HYAL4: variants seen among roughly 807,000 people sequenced by gnomAD.
HYAL4 encodes the protein hyaluronidase 4, also known as hyaluronidase-4.
A neutral mutation model predicts 35.2 loss-of-function variants in HYAL4; 37 were observed. The ratio of observed to expected loss-of-function variants is 1.05; its 90% confidence interval spans 0.81 to 1.38. HYAL4 has a LOEUF of 1.38. HYAL4 is among the 40% of genes most tolerant of loss of function. HYAL4 has a pLI of 0.00. For missense variants in HYAL4, 572 were observed against 572.4 expected, an observed-to-expected ratio of 1.00 and a Z score of 0.01; for synonymous variants, 198 against 203.2, an observed-to-expected ratio of 0.97 and a Z score of 0.22.
At chr7:123,817,282 T>G in the HYAL4 span, among the ~76,000 whole-genome samples, 1 of 152,306 alleles carries the variant, frequency 6.6e-6, no homozygotes. Flanking sequence ...TCACCCAATT[T>G]GAAAGTCACT....
chr7:123,864,072 T>C (rs1806635824), intron 2 of HYAL4, among the ~76,000 whole-genome samples: 1 of 152,150 alleles, frequency 6.6e-6, no homozygotes, highest in Admixed American at 6.5e-5. Flanking sequence ...AAATAGGCCC[T>C]GTCTGTTTGC....
chr7:123,792,629 T>C, the HYAL4 span, among the ~76,000 whole-genome samples: 1 of 152,028 alleles, frequency 6.6e-6, no homozygotes, highest in Non-Finnish European at 1.5e-5. Flanking sequence ...GTCCCATGGG[T>C]GAGGTTTGCC....
chr7:123,782,097 C>T, the HYAL4 span, among the ~76,000 whole-genome samples: 1 of 152,120 alleles, frequency 6.6e-6, no homozygotes, highest in African/African-American at 2.4e-5. Context: ...CTCTGCCTTG[C>T]ATTAAAGCCT....
chr7:123,803,217 C>T, the HYAL4 span, among the ~76,000 whole-genome samples: 1 of 152,056 alleles, frequency 6.6e-6, no homozygotes, highest in South Asian at 2.1e-4. Flanking sequence ...TGCTTTAGTC[C>T]AGGAGTTTGA....
chr7:123,847,092 A>G (rs565992406), intron 1 of HYAL4, among the ~76,000 whole-genome samples: 2 of 152,314 alleles, frequency 1.3e-5, no homozygotes, highest in East Asian at 3.9e-4. Context: ...GCAAAAGTTC[A>G]CAACGTGAGT....
At chr7:123,800,692 T>G in the HYAL4 span, among the ~76,000 whole-genome samples, 1 of 151,950 alleles carries the variant, frequency 6.6e-6, no homozygotes, top group Non-Finnish European at 1.5e-5. Context: ...AGTCTAGCTC[T>G]GTCACCTAGG....
chr7:123,768,838 G>A, the HYAL4 span, among the ~76,000 whole-genome samples: 1 of 152,122 alleles, frequency 6.6e-6, no homozygotes, highest in Non-Finnish European at 1.5e-5. Context: ...TTGTCCATTG[G>A]TTACTTTTTT....
the HYAL4 span, among the ~76,000 whole-genome samples, chr7:123,775,858 T>C: frequency 2.0e-5 from 3 of 152,156 alleles, no homozygotes; most frequent in African/African-American, 7.2e-5. Flanking sequence ...GGAAGCCCCC[T>C]AAACCAGAAC....
At chr7:123,800,592 C>T in the HYAL4 span, among the ~76,000 whole-genome samples, 181 of 151,610 alleles carry the variant, frequency 1.2e-3, 1 homozygote, top group Non-Finnish European at 1.9e-3. Context: ...CATTTTCTTG[C>T]ATCTTTAACA....
At chr7:123,773,404 C>G in the HYAL4 span, among the ~76,000 whole-genome samples, 1 of 151,884 alleles carries the variant, frequency 6.6e-6, no homozygotes, top group African/African-American at 2.4e-5. Context: ...TTCCTCTTTT[C>G]TATGGAAGAG....
chr7:123,764,534 G>A, the HYAL4 span, among the ~76,000 whole-genome samples: 1 of 152,168 alleles, frequency 6.6e-6, no homozygotes, highest in Non-Finnish European at 1.5e-5. Flanking sequence ...CAGAGTCTAG[G>A]GATCTCAGTA....
the HYAL4 span, among the ~76,000 whole-genome samples, chr7:123,763,893 C>T: frequency 1.3e-5 from 2 of 152,266 alleles, no homozygotes; most frequent in African/African-American, 4.8e-5. Flanking sequence ...GAACAGGCCA[C>T]GCTTTTCTCA....
At chr7:123,765,182 A>T in the HYAL4 span, among the ~76,000 whole-genome samples, 3 of 152,334 alleles carry the variant, frequency 2.0e-5, no homozygotes, top group African/African-American at 7.2e-5. Flanking sequence ...CTTTTGAGTT[A>T]ACAAAGCTAT....
intron 2 of HYAL4, among the ~76,000 whole-genome samples, chr7:123,854,029 A>G (rs1301873155): frequency 6.6e-6 from 1 of 151,938 alleles, no homozygotes; most frequent in East Asian, 1.9e-4. Flanking sequence ...TGTTTATAGT[A>G]TTTTCTGATG....
rs1358109660 is a variant in HYAL4, at chr7:123,876,274, CAATA to C, written c.1045-476_1045-473del. 2.6e-5 allele frequency among the ~76,000 whole-genome samples: 4 copies of C among 152,322 alleles called. No homozygotes were observed. In the East Asian group the frequency reaches 7.7e-4, roughly 29 times the overall value. ...AGAATGGTGGCATAAGATGATTTGACAATAAATGATGGACTATGATTCAGGCTCT... is the reference window on the plus strand; with the variant it reads ...AGAATGGTGGCATAAGATGATTTGACAATGATGGACTATGATTCAGGCTCT... On this transcript the variant is annotated intron_variant, in intron 4 of 4. Coordinates refer to ENST00000223026, the MANE Select transcript of HYAL4 (RefSeq NM_012269.3).
In HYAL4 at chr7:123,876,846, C is replaced by G. The variant is rs375840259; in HGVS notation, c.1137C>G (p.His379Gln). ...VTRAAEVCSL[H>Q]LCRNNGRCIR... ...GAGCTGCTGAGGTATGCAGCCTTCA[C>G]CTCTGCAGGAACAATGGCAGGTGCA... Residue 379 changes from histidine (H) to glutamine (Q), a missense_variant, in exon 5 of 5, where the codon CAC becomes CAG. Transcript: ENST00000223026. The G allele has an allele frequency of 3.1e-6, 5 of 1,614,030 alleles. No homozygotes were observed. In the African/African-American group the frequency reaches 5.3e-5, roughly 17 times the overall value.
the HYAL4 span, among the ~76,000 whole-genome samples, chr7:123,800,476 TAAA>T: frequency 7.5e-5 from 9 of 120,350 alleles, no homozygotes; most frequent in Admixed American, 2.6e-4. Context: ...GCCTGAAAAT[TAAA>T]AAAAAAAAAA....
chr7:123,782,522 A>T, the HYAL4 span, among the ~76,000 whole-genome samples: 4 of 147,428 alleles, frequency 2.7e-5, no homozygotes, highest in South Asian at 8.6e-4. Flanking sequence ...AAGTGTATTT[A>T]AAAAAAAAAC....
the HYAL4 span, among the ~76,000 whole-genome samples, chr7:123,792,153 GA>G: frequency 0.35 from 53,542 of 151,996 alleles, 9,655 homozygotes; most frequent in Middle Eastern, 0.43. Context: ...AAAATAGGGG[GA>G]AAAAAATCAA....
Sources: gnomAD v4.1 joint callset for allele counts (sites outside exome capture counted in the v4.1 genomes callset) on GRCh38, gnomAD v4.1.1 for gene constraint, MANE v1.5 for transcripts, NCBI Gene and HGNC (gene_info 2026-07-23, HGNC 2026-07-21) for gene names.